The following GRIA3 variants were observed in gnomAD, a reference collection of about 807,000 sequenced individuals.
The protein encoded by GRIA3 is glutamate receptor 3.
GRIA3 carries 3 observed loss-of-function variants against 63.0 expected under a neutral mutation model. The ratio of observed to expected loss-of-function variants is 0.05; its 90% CI spans 0.02 to 0.12. GRIA3 has a LOEUF of 0.12. GRIA3 is among the 10% of genes least tolerant of loss of function. The pLI, the probability that GRIA3 is intolerant of heterozygous loss-of-function variation, is 1.00. For missense variants in GRIA3, 347 were observed against 700.9 expected, an observed-to-expected ratio of 0.50 and a Z score of 5.70; for synonymous variants, 274 against 257.9, an observed-to-expected ratio of 1.06 and a Z score of -0.60.
intron 4 of GRIA3, among the ~76,000 whole-genome samples, chrX:123,350,492 T>C (rs138824455): frequency 0.016 from 1,806 of 112,199 alleles, 38 homozygotes; most frequent in African/African-American, 0.055. Flanking sequence ...TCTCAAGTAG[T>C]CTTGTGGAGC....
intron 2 of GRIA3, among the ~76,000 whole-genome samples, chrX:123,240,821 T>TA (rs1197576986): frequency 1.8e-5 from 2 of 111,573 alleles, no homozygotes; most frequent in Non-Finnish European, 3.8e-5. Flanking sequence ...TCTTTTTTTT[T>TA]ACTTCCTTTT....
rs1004844323 is a variant in GRIA3, at chrX:123,231,717, A to G, written c.269-21586A>G. The stretch of plus-strand genomic sequence containing the variant: ...CCATGTAGTTGGAAGTGGAGGTCTG[A>G]GGGAAGAGAACATTCTAGATGGCAT... On this transcript the variant is annotated intron_variant, in intron 2 of 15. Coordinates refer to ENST00000620443, the MANE Select transcript of GRIA3 (RefSeq NM_007325.5). 3.6e-5 allele frequency among the ~76,000 whole-genome samples: 4 copies of G among 110,754 alleles called. 1 individual carries two copies. Among genetic ancestry groups the G allele is most frequent in the Non-Finnish European group, 7.6e-5 (4 of 52,815 alleles).
At chrX:123,414,100 G>A in intron 10 of GRIA3, among the ~76,000 whole-genome samples, 1 of 111,881 alleles carries the variant, frequency 8.9e-6, no homozygotes, top group Non-Finnish European at 1.9e-5. Context: ...AGTCTCAGGG[G>A]TATAAGGAGA....
At chrX:123,367,023 T>A (rs2045214782) in intron 5 of GRIA3, among the ~76,000 whole-genome samples, 2 of 111,760 alleles carry the variant, frequency 1.8e-5, no homozygotes. Context: ...TGAAAAATCA[T>A]GAGTATCCCC....
intron 4 of GRIA3, among the ~76,000 whole-genome samples, chrX:123,331,882 G>A (rs375682005): frequency 1.8e-5 from 2 of 111,353 alleles, no homozygotes; most frequent in African/African-American, 6.5e-5. Context: ...CCTTCCTTTC[G>A]TGGTTGTTGT....
chrX:123,419,103 T>C (rs1171521795), intron 11 of GRIA3, among the ~76,000 whole-genome samples: 1 of 112,376 alleles, frequency 8.9e-6, no homozygotes, highest in Admixed American at 9.4e-5. Context: ...ATAACATGGA[T>C]GAACCTTAAA....
intron 2 of GRIA3, 91 bp downstream of exon 2, chrX:123,186,081 G>A: frequency 1.4e-6 from 1 of 730,968 alleles, no homozygotes; most frequent in Non-Finnish European, 2.2e-6. Flanking sequence ...TGTGCTGGGA[G>A]ATGATTGCTT....
chrX:123,334,600 T>C (rs778090548), intron 4 of GRIA3, among the ~76,000 whole-genome samples: 11 of 112,119 alleles, frequency 9.8e-5, no homozygotes, highest in Non-Finnish European at 1.9e-4. Flanking sequence ...ATCTGATAAA[T>C]GTTTGATTAT....
chrX:123,306,947 C>T (rs1052189267), intron 3 of GRIA3, among the ~76,000 whole-genome samples: 5 of 111,959 alleles, frequency 4.5e-5, no homozygotes, highest in African/African-American at 1.6e-4. Context: ...TGGCACTCAA[C>T]TATCTAATGC....
intron 10 of GRIA3, among the ~76,000 whole-genome samples, chrX:123,408,234 G>T (rs1202159564): frequency 9.0e-6 from 1 of 111,575 alleles, no homozygotes; most frequent in Non-Finnish European, 1.9e-5. Flanking sequence ...CTAAAGTGCC[G>T]GGATTACAGG....
intron 2 of GRIA3, among the ~76,000 whole-genome samples, chrX:123,251,210 C>CATT (rs955528160): frequency 1.8e-5 from 2 of 111,654 alleles, no homozygotes; most frequent in Non-Finnish European, 3.8e-5. Context: ...TGGATGTTAT[C>CATT]ATTATTATTG....
Position 123,480,170 on chromosome X carries a change from G to A in GRIA3, c.2432G>A (p.Gly811Glu). Residue 811 changes from glycine to glutamate, a missense_variant, in exon 14 of 16, where the codon GGG becomes GAG. Around this residue, in one of 8 missense-constraint regions of GRIA3, gnomAD observed 49 missense variants for 176.6 expected, o/e 0.28. Coordinates refer to ENST00000620443, the MANE Select transcript of GRIA3 (RefSeq NM_007325.5). ...DKGECGAKDS[G>E]SKDKTSALSL... ...GGGGAATGTGGAGCCAAGGACTCCG[G>A]GAGTAAGGTCAGTCGCTGAAGGTCT... 8.8e-7 allele frequency: 1 copy of A among 1,138,093 alleles called. No homozygotes were observed. Among genetic ancestry groups the A allele is most frequent in the Non-Finnish European group, 1.2e-6 (1 of 828,502 alleles). 93.8% of individuals were successfully genotyped at this position (1,138,093 alleles called of 1,213,427 possible). A position where few individuals can be genotyped will look rare whatever the true frequency, so the allele number is the denominator to read the frequency against.
chrX:123,261,999 A>C lies in GRIA3; in HGVS notation c.508+8457A>C, dbSNP rs543847824. On this transcript the variant is annotated intron_variant, in intron 3 of 15. Transcript: ENST00000620443. ...TCTAGTTTTTAATGAACAGGTAGTT[A>C]ATTAACCCATTAAGGGTTATCTGGA... Among the ~76,000 whole-genome samples, 174 of 111,794 alleles carry C rather than the reference A, an allele frequency of 1.6e-3. 1 individual carries two copies. Among genetic ancestry groups the C allele is most frequent in the African/African-American group, 5.1e-3 (158 of 30,777 alleles).
At chrX:123,404,057 G>A (rs1002755925) in intron 9 of GRIA3, among the ~76,000 whole-genome samples, 3 of 112,058 alleles carry the variant, frequency 2.7e-5, no homozygotes, top group African/African-American at 9.7e-5. Flanking sequence ...TAAAATGTGA[G>A]ATGGTATTCT....
Position 123,251,180 on chromosome X carries a change from A to G in GRIA3, c.269-2123A>G, listed in dbSNP as rs756265246. On this transcript the variant is annotated intron_variant, in intron 2 of 15. Transcript: ENST00000620443. ...TCATTATTAATGGCTGTTATTATCA[A>G]TGGCTATTATCATTATTATTGGATG... is the stretch of plus-strand genomic sequence containing the variant. 5.3e-5 allele frequency among the ~76,000 whole-genome samples: 6 copies of G among 112,450 alleles called. No homozygotes were observed. The South Asian group carries it at 2.2e-3, about 42-fold the overall frequency.
At chrX:123,325,946 C>A in intron 3 of GRIA3, 80 bp from the exon 4 acceptor site, 1 of 846,722 alleles carries the variant, frequency 1.2e-6, no homozygotes, top group Non-Finnish European at 1.7e-6. Flanking sequence ...ACCTGATGGA[C>A]TGTGACTAGA....
intron 4 of GRIA3, among the ~76,000 whole-genome samples, chrX:123,335,574 C>T (rs1241032482): frequency 2.7e-5 from 3 of 111,407 alleles, no homozygotes; most frequent in African/African-American, 6.5e-5. Flanking sequence ...CCTTTAATGC[C>T]GCATTTTAGC....
At chrX:123,210,945 C>T (rs1168628945) in intron 2 of GRIA3, among the ~76,000 whole-genome samples, 1 of 111,979 alleles carries the variant, frequency 8.9e-6, no homozygotes, top group Admixed American at 9.5e-5. Context: ...AGAAATCCTT[C>T]ATCTTGTTCC....
At chrX:123,199,688 G>A (rs1927674244) in intron 2 of GRIA3, among the ~76,000 whole-genome samples, 1 of 111,582 alleles carries the variant, frequency 9.0e-6, no homozygotes, top group African/African-American at 3.3e-5. Flanking sequence ...TGACAACACT[G>A]TCAGTTTTAA....
Sources: allele counts gnomAD v4.1 joint callset (sites outside exome capture counted in the v4.1 genomes callset), GRCh38; gene constraint gnomAD v4.1.1; regional missense constraint gnomAD v4.1.1; transcripts MANE v1.5; gene names NCBI Gene and HGNC (gene_info 2026-07-23, HGNC 2026-07-21).